Variants in HS3ST4 observed in about 807,000 individuals in gnomAD.
HS3ST4 encodes the protein heparan sulfate glucosamine 3-O-sulfotransferase 4.
A neutral mutation model predicts 29.2 loss-of-function variants in HS3ST4; 17 were observed. The observed-to-expected ratio is 0.58, with a 90% CI of 0.40 to 0.87. The LOEUF (loss-of-function observed/expected upper bound fraction) is 0.87, where lower values mean the gene tolerates loss of function less well. Ranked by LOEUF, HS3ST4 falls within the 40% of genes least tolerant of loss-of-function variation. HS3ST4 has a pLI of 0.00. For missense variants in HS3ST4, 627 were observed against 634.5 expected (o/e 0.99, Z 0.13); for synonymous variants, 314 against 285.7 (o/e 1.10, Z -1.00).
At chr16:25,793,263 ATGCAGCAT>A (rs1259001946) in intron 1 of HS3ST4, among the ~76,000 whole-genome samples, 1 of 151,984 alleles carries the variant, frequency 6.6e-6, no homozygotes, top group Non-Finnish European at 1.5e-5. Context: ...TTATTGTTAA[ATGCAGCAT>A]TGCGTATATT....
chr16:25,842,914 A>T (rs1354547823), intron 1 of HS3ST4, among the ~76,000 whole-genome samples: 1 of 152,186 alleles, frequency 6.6e-6, no homozygotes, highest in Non-Finnish European at 1.5e-5. Flanking sequence ...GCTAACTCTG[A>T]GATGGTGGAT....
At chr16:25,857,629 C>G (rs1335297551) in intron 1 of HS3ST4, among the ~76,000 whole-genome samples, 1 of 152,116 alleles carries the variant, frequency 6.6e-6, no homozygotes, top group Non-Finnish European at 1.5e-5. Flanking sequence ...AGTTTTAGGG[C>G]TTTCTATTGT....
At chr16:26,084,918 T>C (rs1898767633) in intron 1 of HS3ST4, among the ~76,000 whole-genome samples, 1 of 152,000 alleles carries the variant, frequency 6.6e-6, no homozygotes, top group African/African-American at 2.4e-5. Flanking sequence ...CCCCTAAGGG[T>C]TGGAATTTGT....
intron 1 of HS3ST4, among the ~76,000 whole-genome samples, chr16:25,849,771 T>C (rs1224708808): frequency 2.0e-5 from 3 of 152,086 alleles, no homozygotes; most frequent in Admixed American, 1.3e-4. Flanking sequence ...CCTCCCAATG[T>C]GCTGGAACTA....
chr16:25,884,506 T>C (rs1967929159), intron 1 of HS3ST4, among the ~76,000 whole-genome samples: 1 of 152,226 alleles, frequency 6.6e-6, no homozygotes, highest in Non-Finnish European at 1.5e-5. Flanking sequence ...CTTGTGTATT[T>C]ATTGTCTGTC....
chr16:25,788,356 A>G (rs1966860712), intron 1 of HS3ST4, among the ~76,000 whole-genome samples: 1 of 151,328 alleles, frequency 6.6e-6, no homozygotes, highest in Non-Finnish European at 1.5e-5. Context: ...CGGAGGTTGC[A>G]GTGAGTCAAG....
chr16:25,975,307 G>A (rs937899594), intron 1 of HS3ST4, among the ~76,000 whole-genome samples: 45 of 151,872 alleles, frequency 3.0e-4, no homozygotes, highest in African/African-American at 1.0e-3. Flanking sequence ...AAGGGAGGGA[G>A]GGAGGGGGTT....
chr16:25,703,330 G>A (rs1966349684), intron 1 of HS3ST4, among the ~76,000 whole-genome samples: 1 of 152,194 alleles, frequency 6.6e-6, no homozygotes, highest in African/African-American at 2.4e-5. Context: ...CCGTGGGAGT[G>A]GCAGCACTGG....
At chr16:25,975,211 G>A (rs1968932579) in intron 1 of HS3ST4, among the ~76,000 whole-genome samples, 1 of 147,020 alleles carries the variant, frequency 6.8e-6, no homozygotes, top group Non-Finnish European at 1.5e-5. Context: ...AATACAGCAT[G>A]TTCTTACTTA....
chr16:25,888,457 AG>A (rs1322601467), intron 1 of HS3ST4, among the ~76,000 whole-genome samples: 1 of 152,142 alleles, frequency 6.6e-6, no homozygotes, highest in East Asian at 1.9e-4. Flanking sequence ...CTTTCTCCGC[AG>A]TCACCCCAGT....
At chr16:26,049,588 A>AT (rs1057265370) in intron 1 of HS3ST4, among the ~76,000 whole-genome samples, 8 of 151,558 alleles carry the variant, frequency 5.3e-5, no homozygotes, top group Non-Finnish European at 1.2e-4. Flanking sequence ...CCACGTGTGG[A>AT]TTTTCCCCCA....
intron 1 of HS3ST4, among the ~76,000 whole-genome samples, chr16:25,706,205 G>A (rs1260584616): frequency 1.3e-5 from 2 of 151,812 alleles, no homozygotes; most frequent in Non-Finnish European, 2.9e-5. Flanking sequence ...CGGAGCTACG[G>A]GTCACACTTG....
intron 1 of HS3ST4, among the ~76,000 whole-genome samples, chr16:25,881,263 T>A (rs1232951796): frequency 6.6e-6 from 1 of 152,198 alleles, no homozygotes; most frequent in African/African-American, 2.4e-5. Flanking sequence ...TCCTTTTGGT[T>A]TTTGGTCTGT....
chr16:25,712,139 T>C (rs1473421784), intron 1 of HS3ST4, among the ~76,000 whole-genome samples: 1 of 152,060 alleles, frequency 6.6e-6, no homozygotes, highest in East Asian at 1.9e-4. Flanking sequence ...AAAACAGTAA[T>C]ATAGACAAGA....
At chr16:25,967,409 C>T (rs1396939309) in intron 1 of HS3ST4, among the ~76,000 whole-genome samples, 1 of 152,188 alleles carries the variant, frequency 6.6e-6, no homozygotes, top group African/African-American at 2.4e-5. Flanking sequence ...CCACCTCAGT[C>T]TCCCCAAGTG....
intron 1 of HS3ST4, among the ~76,000 whole-genome samples, chr16:25,737,862 A>G (rs924324961): frequency 1.3e-5 from 2 of 150,822 alleles, no homozygotes; most frequent in Non-Finnish European, 2.9e-5. Flanking sequence ...ATTGTGTCCC[A>G]TTTCCTGATA....
chr16:25,751,727 T>G (rs1220735399), intron 1 of HS3ST4, among the ~76,000 whole-genome samples: 2 of 152,176 alleles, frequency 1.3e-5, no homozygotes, highest in Admixed American at 6.5e-5. Flanking sequence ...GTAAGCAGGA[T>G]TAGATTTAAA....
chr16:25,738,268 G>A (rs1403086846), intron 1 of HS3ST4, among the ~76,000 whole-genome samples: 1 of 152,110 alleles, frequency 6.6e-6, no homozygotes, highest in East Asian at 1.9e-4. Context: ...CTAGGCTGAT[G>A]GTGTGGAGAC....
intron 1 of HS3ST4, among the ~76,000 whole-genome samples, chr16:25,950,140 C>T (rs1007559294): frequency 2.0e-5 from 3 of 152,016 alleles, no homozygotes; most frequent in Non-Finnish European, 4.4e-5. Flanking sequence ...TCAGTGAGGG[C>T]GGTGGGCTGG....
Sources: allele counts gnomAD v4.1 joint callset (sites outside exome capture counted in the v4.1 genomes callset), GRCh38; gene constraint gnomAD v4.1.1; transcripts MANE v1.5; gene names NCBI Gene and HGNC (gene_info 2026-07-23, HGNC 2026-07-21).